Variants in CYP19A1 observed in about 807,000 individuals in gnomAD.
The protein encoded by CYP19A1 is cytochrome P450 family 19 subfamily A member 1.
In CYP19A1, 32 loss-of-function variants were observed where a neutral mutation model predicts 44.4. The observed-to-expected ratio is 0.72, with a 90% CI of 0.54 to 0.97. The LOEUF is 0.97. Ranked by LOEUF, CYP19A1 falls within the 50% of genes least tolerant of loss-of-function variation. CYP19A1 has a pLI of 0.00. For synonymous variants in CYP19A1, 212 were observed against 215.6 expected (o/e 0.98, Z 0.14); for missense variants, 598 against 637.8 (o/e 0.94, Z 0.67).
chr15:51,284,899 C>T (rs2035645821), intron 1 of CYP19A1, among the ~76,000 whole-genome samples: 1 of 152,238 alleles, frequency 6.6e-6, no homozygotes, highest in South Asian at 2.1e-4. Context: ...TCATGAGCCA[C>T]AGCATCTAGC....
chr15:51,242,057 C>T lies in CYP19A1; in HGVS notation c.145+711G>A, dbSNP rs1353900887. 9.1e-5 allele frequency: 14 copies of T among 153,834 alleles called. No homozygotes were observed. The Middle Eastern group carries it at 4.2e-3, about 47-fold the overall frequency. The allele number at this position is 153,834 out of a possible 1,614,324, so 9.5% of individuals were successfully genotyped here. ...GAATTAATCTGATATCTGATCATTG[C>T]GGCTTTAAGGGTGGAAGGGTGGGGT... On this transcript the variant is annotated intron_variant, in intron 2 of 9. Coordinates refer to ENST00000396402, the MANE Select transcript of CYP19A1 (RefSeq NM_000103.4).
intron 4 of CYP19A1, 96 bp from the exon 5 acceptor site, chr15:51,222,621 A>G (rs1237454706): frequency 2.2e-6 from 2 of 920,566 alleles, no homozygotes; most frequent in East Asian, 5.2e-5. Context: ...TTAATTGTCC[A>G]CAATTTTTAA....
intron 1 of CYP19A1, chr15:51,277,402 C>T (rs558328351): frequency 6.6e-6 from 1 of 152,276 alleles, no homozygotes; most frequent in African/African-American, 2.4e-5. Context: ...AAAAAGCAAA[C>T]AAGGTACAGA....
intron 6 of CYP19A1, chr15:51,216,033 G>A (rs1033045496): frequency 2.0e-5 from 19 of 950,416 alleles, no homozygotes; most frequent in Non-Finnish European, 2.5e-5. Flanking sequence ...TAAGATTTCT[G>A]GATACTGGTA....
intron 1 of CYP19A1, among the ~76,000 whole-genome samples, chr15:51,271,583 ACCAGGTAG>A (rs2035128821): frequency 6.6e-6 from 1 of 152,200 alleles, no homozygotes; most frequent in Non-Finnish European, 1.5e-5. Flanking sequence ...GTTCTACCTA[ACCAGGTAG>A]CTAAGCCTTA....
rs149291272 is a variant in CYP19A1 at position 51,238,431 on chromosome 15, T to A, written c.146-1422A>T. 2.0e-5 allele frequency among the ~76,000 whole-genome samples: 3 copies of A among 152,388 alleles called. No homozygotes were observed. The East Asian group carries it at 5.8e-4, about 29-fold the overall frequency. Reference sequence around the variant, plus strand: ...TTGTAGATGCTCAACGAATGTTTCCTGAATAAATTTTAAAAATTAATTAGG... The same window carrying A: ...TTGTAGATGCTCAACGAATGTTTCCAGAATAAATTTTAAAAATTAATTAGG... On this transcript the variant is annotated intron_variant, in intron 2 of 9. Transcript: ENST00000396402.
intron 1 of CYP19A1, among the ~76,000 whole-genome samples, chr15:51,244,258 G>T (rs570271608): frequency 7.2e-5 from 11 of 152,312 alleles, no homozygotes; most frequent in African/African-American, 1.9e-4. Context: ...ATCTATATGA[G>T]ATCTTAAAGT....
At chr15:51,323,305 C>G (rs1274888815) in intron 1 of CYP19A1, among the ~76,000 whole-genome samples, 23 of 152,154 alleles carry the variant, frequency 1.5e-4, no homozygotes, top group Admixed American at 1.5e-3. Flanking sequence ...TAGGGAGTAG[C>G]CACACTCAGG....
intron 1 of CYP19A1, among the ~76,000 whole-genome samples, chr15:51,260,295 A>C (rs1254356151): frequency 1.3e-5 from 2 of 152,268 alleles, no homozygotes; most frequent in East Asian, 3.8e-4. Context: ...AAAGCATTAA[A>C]TGTGAAGTCA....
chr15:51,219,011 A>G (rs553565851), intron 5 of CYP19A1, among the ~76,000 whole-genome samples: 1 of 152,328 alleles, frequency 6.6e-6, no homozygotes, highest in East Asian at 1.9e-4. Context: ...TATGGCTGTT[A>G]TGGCCTTCAC....
intron 1 of CYP19A1, among the ~76,000 whole-genome samples, chr15:51,326,598 T>C (rs1419123143): frequency 2.0e-5 from 3 of 152,242 alleles, no homozygotes; most frequent in Non-Finnish European, 4.4e-5. Flanking sequence ...GTATATGACA[T>C]AGTGGTGTCC....
At chr15:51,244,501 G>A (rs1393353746) in intron 1 of CYP19A1, among the ~76,000 whole-genome samples, 1 of 151,994 alleles carries the variant, frequency 6.6e-6, no homozygotes, top group African/African-American at 2.4e-5. Context: ...AAACTAAAAA[G>A]TCAGCCTTGT....
intron 1 of CYP19A1, among the ~76,000 whole-genome samples, chr15:51,294,648 G>A (rs868207610): frequency 3.8e-5 from 5 of 132,884 alleles, no homozygotes; most frequent in South Asian, 2.4e-4. Flanking sequence ...TCAGCCCCCC[G>A]CCCGGCCAGC....
intron 1 of CYP19A1, among the ~76,000 whole-genome samples, chr15:51,321,329 G>C (rs1395819832): frequency 2.6e-5 from 4 of 152,008 alleles, no homozygotes; most frequent in Non-Finnish European, 4.4e-5. Flanking sequence ...ACTGCCTACT[G>C]TTGGGGGAGC....
intron 8 of CYP19A1, among the ~76,000 whole-genome samples, chr15:51,214,207 G>C (rs557488182): frequency 2.0e-5 from 3 of 152,336 alleles, no homozygotes; most frequent in African/African-American, 7.2e-5. Flanking sequence ...TAAGAAATGT[G>C]TTCCTAAAAG....
Position 51,242,875 on chromosome 15 carries a change from A to G in CYP19A1, c.38T>C (p.Ile13Thr). 1 of 1,609,498 alleles carries G rather than the reference A, an allele frequency of 6.2e-7. No individual in the cohort carries two copies. ...CATGGCTTCAGGCACGATGCTGGTG[A>G]TGTTATAATGTATCGGGTTCAGCAT... Reference protein sequence around the residue: ...LEMLNPIHYNITSIVPEAMPA... With the variant: ...LEMLNPIHYNTTSIVPEAMPA... Residue 13 changes from isoleucine to threonine, a missense_variant, in exon 2 of 10, where the codon ATC becomes ACC. Transcript: ENST00000396402.
chr15:51,236,086 A>G (rs1164954937), intron 3 of CYP19A1, among the ~76,000 whole-genome samples: 2 of 152,232 alleles, frequency 1.3e-5, no homozygotes, highest in African/African-American at 4.8e-5. Flanking sequence ...CTAGTTATCC[A>G]CAAAATATAA....
intron 9 of CYP19A1, chr15:51,211,587 T>A (rs1053978074): frequency 2.6e-6 from 1 of 385,866 alleles, no homozygotes; most frequent in Non-Finnish European, 5.1e-6. Flanking sequence ...TTTTTGTTGA[T>A]CAGTTGACTG....
At chr15:51,296,585 T>C (rs3764222) in intron 1 of CYP19A1, among the ~76,000 whole-genome samples, 14 of 152,226 alleles carry the variant, frequency 9.2e-5, no homozygotes, top group African/African-American at 3.1e-4. Flanking sequence ...ACATTTTTCA[T>C]AGTGCTAAAT....
Sources: gnomAD v4.1 joint callset for allele counts (sites outside exome capture counted in the v4.1 genomes callset) on GRCh38, gnomAD v4.1.1 for gene constraint, MANE v1.5 for transcripts, NCBI Gene and HGNC (gene_info 2026-07-23, HGNC 2026-07-21) for gene names.